Variants in ZNF664 observed in about 807,000 individuals in gnomAD.
ZNF664 encodes zinc finger Organ of Corti 1.
ZNF664 carries 10 observed loss-of-function variants against 18.2 expected under a neutral mutation model. That is an observed-to-expected ratio of 0.55 (90% CI 0.34 to 0.93). The LOEUF is 0.93. Among genes scored for constraint, ZNF664 ranks in the 40% least tolerant of loss-of-function variants. ZNF664 has a pLI of 0.02. For missense variants in ZNF664, 193 were observed against 319.0 expected (o/e 0.61, Z 3.01); for synonymous variants, 119 against 104.2 (o/e 1.14, Z -0.86).
intron 2 of ZNF664, among the ~76,000 whole-genome samples, chr12:123,980,932 CTTTTT>C (rs978033220): frequency 1.3e-5 from 2 of 148,600 alleles, no homozygotes; most frequent in East Asian, 3.9e-4. Context: ...GACATGAGCA[CTTTTT>C]TTTTTGGTTA....
chr12:123,980,567 TATC>T (rs1956752581), intron 2 of ZNF664, among the ~76,000 whole-genome samples: 1 of 152,216 alleles, frequency 6.6e-6, no homozygotes. Context: ...ACATCCCCTA[TATC>T]ATATATTTAG....
At chr12:123,977,106 T>G (rs1956702392) in intron 2 of ZNF664, among the ~76,000 whole-genome samples, 1 of 152,062 alleles carries the variant, frequency 6.6e-6, no homozygotes, top group Admixed American at 6.6e-5. Context: ...CCACAAATCC[T>G]TGTTTCTAAT....
chr12:123,974,394 T>C (rs1185749000), intron 2 of ZNF664: 2 of 183,306 alleles, frequency 1.1e-5, no homozygotes, highest in Non-Finnish European at 2.2e-5. Flanking sequence ...TTCTGATATT[T>C]ACAGTTTATT....
chr12:124,012,697 A>T lies in ZNF664; in HGVS notation c.553A>T (p.Ser185Cys), dbSNP rs760212002. The T allele has an allele frequency of 1.2e-6, 2 of 1,614,176 alleles. No individual in the cohort carries two copies. The highest frequency in any genetic ancestry group is 1.7e-6 in the Non-Finnish European group (2 of 1,180,002). Residue 185 changes from serine to cysteine, a missense_variant, in exon 5 of 5, where the codon AGC (serine) becomes TGC (cysteine). Physicochemically the swap from Ser to Cys is moderately radical, Grantham distance 112 (BLOSUM62 -1). Coordinates refer to ENST00000337815, the MANE Select transcript of ZNF664 (RefSeq NM_152437.3). Reference protein sequence around the residue: ...ECGKAFSQSSSLCIHQRVHTG... With the variant: ...ECGKAFSQSSCLCIHQRVHTG... ...TGGGAAGGCGTTCAGTCAGAGTTCG[A>T]GCCTCTGCATCCACCAGAGAGTCCA...
chr12:123,987,663 G>GA (rs894501696), intron 2 of ZNF664, among the ~76,000 whole-genome samples: 4 of 152,110 alleles, frequency 2.6e-5, no homozygotes. Flanking sequence ...GAAAATCCGT[G>GA]AAAAAACACT....
At chr12:123,997,054 A>T (rs1261139960) in intron 3 of ZNF664, among the ~76,000 whole-genome samples, 2 of 152,192 alleles carry the variant, frequency 1.3e-5, no homozygotes, top group Non-Finnish European at 2.9e-5. Flanking sequence ...CTTGTAAAGG[A>T]AAGGAAAAAT....
intron 3 of ZNF664, chr12:124,006,255 C>T (rs1353417390): frequency 6.6e-6 from 1 of 152,274 alleles, no homozygotes; most frequent in East Asian, 1.9e-4. Context: ...CTCTGGTCAT[C>T]CCATTAGGGC....
chr12:123,973,542 C>G (rs1956626103), intron 1 of ZNF664, 190 bp downstream of exon 1: 1 of 371,290 alleles, frequency 2.7e-6, no homozygotes, highest in Non-Finnish European at 3.7e-6. Flanking sequence ...CCTGGCGGGT[C>G]CCGGGCTGAG....
chr12:123,984,989 G>A (rs1350916109), intron 2 of ZNF664, among the ~76,000 whole-genome samples: 1 of 152,184 alleles, frequency 6.6e-6, no homozygotes, highest in African/African-American at 2.4e-5. Flanking sequence ...CGAGGAGACC[G>A]TAGACTAGGA....
In ZNF664 at chr12:124,011,963, G is replaced by A; in HGVS notation, c.-182G>A. 3 of 1,425,772 alleles carry A rather than the reference G, an allele frequency of 2.1e-6. No individual in the cohort carries two copies. The highest frequency in any genetic ancestry group is 1.8e-6 in the Non-Finnish European group (2 of 1,098,760). The allele number at this position is 1,425,772 out of a possible 1,614,324, so 88.3% of individuals were successfully genotyped here. On this transcript the variant is annotated 5_prime_UTR_variant, in exon 5 of 5. Transcript: ENST00000337815. ...CTGAGTGAGGAACACTATGCAGGAAGAAACCTTCCGTAGAAAGACAGGCAG... is the reference window on the plus strand; with the variant it reads ...CTGAGTGAGGAACACTATGCAGGAAAAAACCTTCCGTAGAAAGACAGGCAG...
chr12:123,973,604 A>C, intron 1 of ZNF664: 1 of 380,244 alleles, frequency 2.6e-6, no homozygotes, highest in Non-Finnish European at 3.6e-6. Flanking sequence ...AGTGCGGGGG[A>C]GCGGGGCCGG....
Position 124,014,817 on chromosome 12 carries a change from G to A in ZNF664, c.*1887G>A, listed in dbSNP as rs1957173709. ...AAGGAGCACATGATTTAGTGGGTGGGCCATGAAACTAGAGATGGGATTTGG... is the reference window on the plus strand; with the variant it reads ...AAGGAGCACATGATTTAGTGGGTGGACCATGAAACTAGAGATGGGATTTGG... On this transcript the variant is annotated 3_prime_UTR_variant, in exon 5 of 5. Coordinates refer to ENST00000337815, the MANE Select transcript of ZNF664 (RefSeq NM_152437.3). 6.0e-6 allele frequency: 1 copy of A among 165,888 alleles called. No homozygotes were observed. The highest frequency in any genetic ancestry group is 1.5e-5 in the Non-Finnish European group (1 of 68,118). 10.3% of individuals were successfully genotyped at this position (165,888 alleles called of 1,614,324 possible). A position where few individuals can be genotyped will look rare whatever the true frequency, so the allele number is the denominator to read the frequency against.
chr12:123,983,213 G>A (rs1029080895), intron 2 of ZNF664, among the ~76,000 whole-genome samples: 13 of 152,248 alleles, frequency 8.5e-5, no homozygotes, highest in Non-Finnish European at 1.8e-4. Context: ...GTCACAAGGT[G>A]GAACCAATGG....
chr12:124,004,713 T>A (rs1049313211), intron 3 of ZNF664, among the ~76,000 whole-genome samples: 13 of 152,146 alleles, frequency 8.5e-5, no homozygotes, highest in African/African-American at 2.4e-4. Flanking sequence ...TCCCCATTGC[T>A]TGCATTACCT....
intron 3 of ZNF664, among the ~76,000 whole-genome samples, chr12:123,996,294 C>CT (rs1956947653): frequency 6.6e-6 from 1 of 152,166 alleles, no homozygotes; most frequent in African/African-American, 2.4e-5. Context: ...AGAGCTGCAA[C>CT]TTGAATTACA....
At chr12:123,980,584 C>T (rs1956752900) in intron 2 of ZNF664, among the ~76,000 whole-genome samples, 1 of 151,964 alleles carries the variant, frequency 6.6e-6, no homozygotes, top group Non-Finnish European at 1.5e-5. Context: ...TATTTAGTGG[C>T]AAATAACATT....
intron 3 of ZNF664, chr12:123,997,801 G>T (rs897476528): frequency 5.9e-5 from 9 of 152,218 alleles, no homozygotes; most frequent in Non-Finnish European, 1.0e-4. Flanking sequence ...AGCTAATCCA[G>T]ATGCAACATT....
rs971477412 is a variant in ZNF664 at position 123,973,933 on chromosome 12, A to C, written c.-844A>C. 3 of 1,231,852 alleles carry C rather than the reference A, an allele frequency of 2.4e-6. No individual in the cohort carries two copies. Among genetic ancestry groups the C allele is most frequent in the African/African-American group, 3.1e-5 (2 of 64,560 alleles). The allele number at this position is 1,231,852 out of a possible 1,614,324, so 76.3% of individuals were successfully genotyped here. A position where few individuals can be genotyped will look rare whatever the true frequency, so the allele number is the denominator to read the frequency against. On this transcript the variant is annotated 5_prime_UTR_variant, in exon 2 of 5. Transcript: ENST00000337815. Reference sequence around the variant, plus strand: ...AGGCGAGCATCCCGCTCAGGTGATGAGGAACCCCTCGCGCACCCAGCGCAG... The same window carrying C: ...AGGCGAGCATCCCGCTCAGGTGATGCGGAACCCCTCGCGCACCCAGCGCAG...
chr12:123,973,435 G>T, intron 1 of ZNF664, 83 bp downstream of exon 1: 28 of 779,886 alleles, frequency 3.6e-5, no homozygotes, highest in South Asian at 5.8e-5. Context: ...CGGGCTGGGG[G>T]TGGGAAGGAG....
Sources: allele counts gnomAD v4.1 joint callset (sites outside exome capture counted in the v4.1 genomes callset), GRCh38; gene constraint gnomAD v4.1.1; transcripts MANE v1.5; gene names NCBI Gene and HGNC (gene_info 2026-07-23, HGNC 2026-07-21).